Variants in VAT1L observed in about 807,000 individuals in gnomAD.
VAT1L encodes vesicle amine transport 1 like.
A neutral mutation model predicts 44.1 loss-of-function variants in VAT1L; 34 were observed. The observed-to-expected ratio is 0.77, with a 90% CI of 0.59 to 1.03. The LOEUF is 1.03. Among genes scored for constraint, VAT1L ranks in the 50% least tolerant of loss-of-function variants. The pLI is 0.00. For synonymous variants in VAT1L, 253 were observed against 202.2 expected (o/e 1.25, Z -2.13); for missense variants, 615 against 538.8 (o/e 1.14, Z -1.40).
At chr16:77,916,645 GT>G (rs1400317908) in intron 7 of VAT1L, among the ~76,000 whole-genome samples, 2 of 152,180 alleles carry the variant, frequency 1.3e-5, no homozygotes, top group African/African-American at 4.8e-5. Context: ...ACATAAGAGC[GT>G]TTTGTAAATT....
intron 7 of VAT1L, among the ~76,000 whole-genome samples, chr16:77,886,008 C>T (rs1044628186): frequency 2.2e-4 from 33 of 152,182 alleles, no homozygotes; most frequent in African/African-American, 8.0e-4. Flanking sequence ...AATAAATACT[C>T]ATTACAGAAA....
intron 4 of VAT1L, among the ~76,000 whole-genome samples, chr16:77,864,815 T>C (rs1045093732): frequency 5.3e-5 from 8 of 152,094 alleles, no homozygotes; most frequent in African/African-American, 1.9e-4. Context: ...TAATTTAAGG[T>C]TGTCCCAATA....
chr16:77,854,912 G>C (rs890397366), intron 3 of VAT1L, among the ~76,000 whole-genome samples: 1 of 152,158 alleles, frequency 6.6e-6, no homozygotes, highest in African/African-American at 2.4e-5. Context: ...TTGGTACAGG[G>C]ACTCAACCTT....
At chr16:77,940,590 G>A (rs925218831) in intron 7 of VAT1L, among the ~76,000 whole-genome samples, 33 of 151,996 alleles carry the variant, frequency 2.2e-4, no homozygotes, top group African/African-American at 5.8e-4. Flanking sequence ...TGATCCGCCC[G>A]CCTCAGCCTC....
At chr16:77,897,013 A>C (rs2017331780) in intron 7 of VAT1L, among the ~76,000 whole-genome samples, 1 of 152,192 alleles carries the variant, frequency 6.6e-6, no homozygotes, top group South Asian at 2.1e-4. Context: ...AAATTACTTA[A>C]TATATCTTAT....
intron 5 of VAT1L, among the ~76,000 whole-genome samples, chr16:77,877,352 T>C (rs2017098700): frequency 6.6e-6 from 1 of 151,220 alleles, no homozygotes; most frequent in South Asian, 2.1e-4. Context: ...CTACTAAAAA[T>C]ACAAAAAATT....
chr16:77,901,443 C>A (rs1471206001), intron 7 of VAT1L, among the ~76,000 whole-genome samples: 1 of 152,134 alleles, frequency 6.6e-6, no homozygotes, highest in African/African-American at 2.4e-5. Context: ...GGATTACAGG[C>A]GTGAGCCACC....
At chr16:77,802,537 C>A (rs771294458) in intron 1 of VAT1L, among the ~76,000 whole-genome samples, 1 of 151,450 alleles carries the variant, frequency 6.6e-6, no homozygotes, top group South Asian at 2.1e-4. Context: ...TTGCTTGAAC[C>A]CAGGAGGCAG....
chr16:77,813,439 G>T (rs1296021027), intron 1 of VAT1L, among the ~76,000 whole-genome samples: 1 of 152,178 alleles, frequency 6.6e-6, no homozygotes, highest in African/African-American at 2.4e-5. Context: ...ATAAACACAT[G>T]TGTGAAGTAA....
intron 1 of VAT1L, among the ~76,000 whole-genome samples, chr16:77,797,083 C>G (rs1272392629): frequency 1.3e-5 from 2 of 151,964 alleles, no homozygotes; most frequent in African/African-American, 4.8e-5. Context: ...CATAGTATAT[C>G]CACTCAACAA....
intron 7 of VAT1L, among the ~76,000 whole-genome samples, chr16:77,949,536 T>A (rs1453229995): frequency 6.6e-6 from 1 of 152,208 alleles, no homozygotes; most frequent in Non-Finnish European, 1.5e-5. Context: ...TCCACATGAA[T>A]AGATTAATGC....
At chr16:77,833,587 C>A (rs113922906) in intron 3 of VAT1L, among the ~76,000 whole-genome samples, 3,082 of 152,052 alleles carry the variant, frequency 0.02, 105 homozygotes, top group African/African-American at 0.07. Context: ...CCAGTCTCTA[C>A]TACAAATACA....
At chr16:77,823,847 C>T (rs2016487923) in intron 2 of VAT1L, among the ~76,000 whole-genome samples, 1 of 152,064 alleles carries the variant, frequency 6.6e-6, no homozygotes, top group East Asian at 1.9e-4. Flanking sequence ...AACCCCGTCT[C>T]TAATAAATAC....
intron 1 of VAT1L, among the ~76,000 whole-genome samples, chr16:77,807,874 T>TCTAAACTTAGC: frequency 1.3e-5 from 2 of 152,248 alleles, no homozygotes; most frequent in East Asian, 3.9e-4. Context: ...AAGCTAAAGA[T>TCTAAACTTAGC]CTAAACTTAG....
intron 8 of VAT1L, among the ~76,000 whole-genome samples, chr16:77,973,977 A>G (rs891420105): frequency 3.9e-5 from 6 of 152,156 alleles, no homozygotes; most frequent in African/African-American, 1.4e-4. Context: ...TCGGCCTCCC[A>G]AAATGCTGGG....
chr16:77,831,352 G>C (rs531622970), intron 3 of VAT1L, among the ~76,000 whole-genome samples: 1 of 152,092 alleles, frequency 6.6e-6, no homozygotes, highest in Non-Finnish European at 1.5e-5. Flanking sequence ...GGAGGGAGAG[G>C]TTTCTTTATA....
rs184531584 is a variant in VAT1L at position 77,925,727 on chromosome 16, G to C, written c.1077+40925G>C. 1.4e-3 allele frequency among the ~76,000 whole-genome samples: 214 copies of C among 152,260 alleles called. 1 individual carries two copies. The highest frequency in any genetic ancestry group is 2.6e-3 in the Non-Finnish European group (177 of 68,012). On this transcript the variant is annotated intron_variant, in intron 7 of 8. Coordinates refer to ENST00000302536, the MANE Select transcript of VAT1L (RefSeq NM_020927.3). ...CTAGAGAGACTACAGGAAATTGAAA[G>C]AATAAAATAGATGGTGATCCTGCAG...
At chr16:77,976,422 T>A (rs2018340667) in intron 8 of VAT1L, among the ~76,000 whole-genome samples, 1 of 152,146 alleles carries the variant, frequency 6.6e-6, no homozygotes, top group African/African-American at 2.4e-5. Flanking sequence ...AGGAATGACA[T>A]TCCAGGGAGA....
At chr16:77,826,245 G>A (rs935891325) in intron 3 of VAT1L, among the ~76,000 whole-genome samples, 6 of 151,718 alleles carry the variant, frequency 4.0e-5, no homozygotes, top group African/African-American at 1.5e-4. Context: ...ATTCTCAACA[G>A]TCTTGGTATC....
Sources: gnomAD v4.1 joint callset for allele counts (sites outside exome capture counted in the v4.1 genomes callset) on GRCh38, gnomAD v4.1.1 for gene constraint, MANE v1.5 for transcripts, NCBI Gene and HGNC (gene_info 2026-07-23, HGNC 2026-07-21) for gene names.